Variants in KALRN observed in about 807,000 individuals in gnomAD.
The protein encoded by KALRN is kalirin RhoGEF kinase.
KALRN carries 70 observed loss-of-function variants against 353.7 expected under a neutral mutation model. The observed-to-expected ratio is 0.20, with a 90% CI of 0.16 to 0.24. The LOEUF is 0.24. KALRN is among the 10% of genes least tolerant of loss of function. The pLI is 1.00. For missense variants in KALRN, 2,791 were observed against 3,756.7 expected (o/e 0.74, Z 6.72); for synonymous variants, 1,391 against 1,434.8 (o/e 0.97, Z 0.69).
At chr3:124,648,462 G>C (rs921825364) in intron 37 of KALRN, among the ~76,000 whole-genome samples, 1 of 152,226 alleles carries the variant, frequency 6.6e-6, no homozygotes, top group African/African-American at 2.4e-5. Flanking sequence ...GATGCTCCAT[G>C]GGAGTGCCCG....
intron 25 of KALRN, among the ~76,000 whole-genome samples, chr3:124,472,091 C>G (rs768921031): frequency 1.1e-4 from 16 of 151,980 alleles, no homozygotes; most frequent in Non-Finnish European, 1.9e-4. Flanking sequence ...TGTGCATCTT[C>G]CCATAGGTTT....
intron 6 of KALRN, among the ~76,000 whole-genome samples, chr3:124,309,082 G>A (rs1408172892): frequency 6.6e-6 from 1 of 152,082 alleles, no homozygotes; most frequent in Non-Finnish European, 1.5e-5. Context: ...AGTAACAACT[G>A]ATACTGATTC....
chr3:124,377,975 G>C (rs2086818391), intron 10 of KALRN, among the ~76,000 whole-genome samples: 1 of 151,870 alleles, frequency 6.6e-6, no homozygotes, highest in Non-Finnish European at 1.5e-5. Context: ...GCATATAATT[G>C]GGACTTGCTT....
rs1560995517 is a variant in KALRN, at chr3:124,455,118, G to T, written c.3553-59G>T. The T allele has an allele frequency of 6.3e-6, 10 of 1,578,444 alleles. No individual in the cohort carries two copies. In the East Asian group the frequency reaches 1.8e-4, roughly 28 times the overall value. On this transcript the variant is annotated intron_variant, in intron 21 of 59. Transcript: ENST00000682506. ...GCTCTAAACAGGAAGAGAGGATTTGGGGTGAAGGGGCAGGAGAATAAATGT... is the reference window on the plus strand; with the variant it reads ...GCTCTAAACAGGAAGAGAGGATTTGTGGTGAAGGGGCAGGAGAATAAATGT...
intron 1 of KALRN, among the ~76,000 whole-genome samples, chr3:124,219,937 G>GTT (rs373536798): frequency 5.4e-5 from 8 of 146,868 alleles, no homozygotes; most frequent in African/African-American, 2.0e-4. Flanking sequence ...TTGGTGGTAG[G>GTT]TTTTTTTTTT....
At chr3:124,118,530 C>T (rs72972609) in intron 1 of KALRN, among the ~76,000 whole-genome samples, 1 of 152,182 alleles carries the variant, frequency 6.6e-6, no homozygotes, top group East Asian at 1.9e-4. Context: ...GCAGGAGACA[C>T]TTCCATGCAT....
chr3:124,330,239 C>G (rs2080371721), intron 8 of KALRN, among the ~76,000 whole-genome samples: 1 of 112,042 alleles, frequency 8.9e-6, no homozygotes, highest in African/African-American at 4.2e-5. Flanking sequence ...TTCTCTCTCT[C>G]TCTCTCTCAC....
At position 124,298,874 on chromosome 3, in the gene KALRN, C is replaced by T. The variant is rs1396411645; in HGVS notation, c.1053C>T (p.Asp351=). Residue 351 remains aspartate (D), a synonymous_variant, in exon 6 of 60, where the codon GAC becomes GAT. Transcript: ENST00000682506. The part of the protein sequence containing the change: ...EIGVSYQYAL[D]LQTQHNHFAM... ...GAGTCAGCTACCAGTACGCCCTTGA[C>T]CTCCAGACGCAGCACAATCACTTTG... The T allele has an allele frequency of 6.2e-6, 10 of 1,614,070 alleles. No homozygotes were observed. The highest frequency in any genetic ancestry group is 7.6e-6 in the Non-Finnish European group (9 of 1,180,038).
chr3:124,056,931 C>G (rs139045961), intron 1 of KALRN, among the ~76,000 whole-genome samples: 1 of 152,206 alleles, frequency 6.6e-6, no homozygotes, highest in Non-Finnish European at 1.5e-5. Context: ...CTCTCTTAGT[C>G]TATAAAGAGG....
chr3:124,318,339 A>C (rs187762492), intron 6 of KALRN, among the ~76,000 whole-genome samples: 6 of 152,316 alleles, frequency 3.9e-5, no homozygotes, highest in Non-Finnish European at 8.8e-5. Context: ...CCTGTGGTTC[A>C]TGGGAGGCAG....
intron 1 of KALRN, among the ~76,000 whole-genome samples, chr3:124,126,504 ACT>A (rs2064692648): frequency 6.6e-6 from 1 of 152,044 alleles, no homozygotes; most frequent in Non-Finnish European, 1.5e-5. Context: ...TCCCCTGGCC[ACT>A]CTTCTCCTTT....
intron 33 of KALRN, among the ~76,000 whole-genome samples, chr3:124,515,032 T>A (rs530581804): frequency 6.6e-6 from 1 of 152,254 alleles, no homozygotes; most frequent in East Asian, 1.9e-4. Flanking sequence ...ACAAAAAACA[T>A]TGGAAACATG....
Position 124,422,934 on chromosome 3 carries a change from G to C in KALRN, c.2665G>C (p.Glu889Gln), listed in dbSNP as rs1310212200. ...TGCAGAGCAGACTCATAAGCGGCTA[G>C]AGCAGTGCCTCCAATTACGTCACCT... ...LNAEQTHKRL[E>Q]QCLQLRHLQA... The change falls in exon 15 of 60, where the codon GAG becomes CAG. Residue 889 changes from glutamate (E) to glutamine (Q), a missense_variant. Transcript: ENST00000682506. 2 of 1,613,686 alleles carry C rather than the reference G, an allele frequency of 1.2e-6. No homozygotes were observed. The highest frequency in any genetic ancestry group is 2.7e-5 in the African/African-American group (2 of 74,896).
intron 1 of KALRN, among the ~76,000 whole-genome samples, chr3:124,098,802 A>AT (rs899114872): frequency 6.6e-6 from 1 of 152,198 alleles, no homozygotes; most frequent in African/African-American, 2.4e-5. Context: ...ATAAAGAAGC[A>AT]TAAGTAAAAA....
intron 17 of KALRN, among the ~76,000 whole-genome samples, chr3:124,435,461 G>A (rs1451278908): frequency 6.6e-6 from 1 of 152,220 alleles, no homozygotes; most frequent in Non-Finnish European, 1.5e-5. Context: ...TGATTTGGGT[G>A]CTGTTAGGGA....
At chr3:124,153,539 C>G (rs1041846966) in intron 1 of KALRN, among the ~76,000 whole-genome samples, 1 of 150,266 alleles carries the variant, frequency 6.7e-6, no homozygotes, top group Non-Finnish European at 1.5e-5. Flanking sequence ...TGGGTTGGTT[C>G]CAAGTCTTTG....
intron 6 of KALRN, among the ~76,000 whole-genome samples, chr3:124,314,419 C>T (rs1473744914): frequency 6.6e-6 from 1 of 151,672 alleles, no homozygotes; most frequent in East Asian, 1.9e-4. Flanking sequence ...TTAATGGGTA[C>T]AGCACACCAA....
intron 25 of KALRN, among the ~76,000 whole-genome samples, chr3:124,473,647 T>G (rs1048134303): frequency 2.0e-5 from 3 of 152,210 alleles, no homozygotes; most frequent in Non-Finnish European, 4.4e-5. Flanking sequence ...TGTACCATAG[T>G]TTAAACGCTT....
intron 1 of KALRN, among the ~76,000 whole-genome samples, chr3:124,064,276 A>G (rs116662960): frequency 2.9e-4 from 44 of 152,226 alleles, no homozygotes; most frequent in Non-Finnish European, 5.1e-4. Flanking sequence ...AGCCTTAAAG[A>G]ACAAGTAGGA....
Sources: gnomAD v4.1 joint callset for allele counts (sites outside exome capture counted in the v4.1 genomes callset) on GRCh38, gnomAD v4.1.1 for gene constraint, MANE v1.5 for transcripts, NCBI Gene and HGNC (gene_info 2026-07-23, HGNC 2026-07-21) for gene names.